Variants in WWP2 observed in about 807,000 individuals in gnomAD.
The protein encoded by WWP2 is WW domain containing E3 ubiquitin protein ligase 2.
A neutral mutation model predicts 121.0 loss-of-function variants in WWP2; 57 were observed. The ratio of observed to expected loss-of-function variants is 0.47; its 90% CI spans 0.38 to 0.59. WWP2 has a LOEUF of 0.59. Ranked by LOEUF, WWP2 falls within the 20% of genes least tolerant of loss-of-function variation. WWP2 has a pLI of 0.00. For missense variants in WWP2, 962 were observed against 1,158.9 expected, an observed-to-expected ratio of 0.83 and a Z score of 2.47; for synonymous variants, 449 against 441.3, an observed-to-expected ratio of 1.02 and a Z score of -0.22.
At chr16:69,825,617 G>GTT (rs1182979309) in intron 4 of WWP2, among the ~76,000 whole-genome samples, 7 of 137,616 alleles carry the variant, frequency 5.1e-5, no homozygotes, top group Admixed American at 1.5e-4. Flanking sequence ...GCAGAAGTGG[G>GTT]TTTTTTTTTT....
intron 17 of WWP2, among the ~76,000 whole-genome samples, chr16:69,934,873 G>A (rs2058771393): frequency 1.3e-5 from 2 of 152,190 alleles, no homozygotes; most frequent in Non-Finnish European, 2.9e-5. Flanking sequence ...AGCCCAGAGA[G>A]GGCGCGCCAG....
At chr16:69,795,092 C>G (rs2056000922) in intron 2 of WWP2, among the ~76,000 whole-genome samples, 1 of 152,090 alleles carries the variant, frequency 6.6e-6, no homozygotes, top group South Asian at 2.1e-4. Context: ...AAAAGTTAGC[C>G]AGGCGTGGTG....
In WWP2 at chr16:69,937,734, A is replaced by G; in HGVS notation, c.2343+82A>G. The G allele has an allele frequency of 1.5e-6, 2 of 1,367,152 alleles. No individual in the cohort carries two copies. Among genetic ancestry groups the G allele is most frequent in the Non-Finnish European group, 2.1e-6 (2 of 975,534 alleles). 84.7% of individuals were successfully genotyped at this position (1,367,152 alleles called of 1,614,324 possible). A position where few individuals can be genotyped will look rare whatever the true frequency, so the allele number is the denominator to read the frequency against. ...GGGTCCTGAGGAGGCCTCACGCGCA[A>G]GGACCTTCAGCTTTGGCCCTGTCCT... is the stretch of plus-strand genomic sequence containing the variant. On this transcript the variant is annotated intron_variant, in intron 21 of 23. Transcript: ENST00000359154. The surrounding 1 kb of genome is among the most constrained non-coding windows in gnomAD (Gnocchi z 6.6).
chr16:69,840,174 G>A lies in WWP2; in HGVS notation c.389G>A (p.Ser130Asn). The change falls in exon 5 of 24, where the codon AGC becomes AAC. Residue 130 changes from serine to asparagine, a missense_variant. By Grantham distance (46) the Ser-to-Asn change is conservative. Coordinates refer to ENST00000359154, the MANE Select transcript of WWP2 (RefSeq NM_001270454.2). ...AACCTGCAGACGGAGAACAAAGGCA[G>A]CGTTGTCTCAGGCGGAGAGCTGACA... is the stretch of plus-strand genomic sequence containing the variant. Reference protein sequence around the residue: ...TLNLQTENKGSVVSGGELTIF... With the variant: ...TLNLQTENKGNVVSGGELTIF... 6.2e-7 allele frequency: 1 copy of A among 1,614,274 alleles called. No homozygotes were observed. The highest frequency in any genetic ancestry group is 8.5e-7 in the Non-Finnish European group (1 of 1,180,048).
At chr16:69,863,909 A>G (rs1334200477) in intron 6 of WWP2, among the ~76,000 whole-genome samples, 1 of 152,224 alleles carries the variant, frequency 6.6e-6, no homozygotes, top group Non-Finnish European at 1.5e-5. Flanking sequence ...CCTTTTATGC[A>G]TTGAGTTTAT....
intron 19 of WWP2, chr16:69,936,678 A>G: frequency 3.3e-6 from 2 of 601,708 alleles, no homozygotes; most frequent in Non-Finnish European, 2.9e-6. Context: ...GCCATGTGGG[A>G]GACTTCAAGC....
At chr16:69,836,672 G>A (rs111437075) in intron 4 of WWP2, among the ~76,000 whole-genome samples, 22 of 152,182 alleles carry the variant, frequency 1.4e-4, no homozygotes, top group African/African-American at 2.6e-4. Flanking sequence ...GTGCAGTGGC[G>A]CAATCTTGGC....
chr16:69,851,824 C>CAA (rs58401894), intron 6 of WWP2, among the ~76,000 whole-genome samples: 5 of 150,952 alleles, frequency 3.3e-5, no homozygotes, highest in South Asian at 2.1e-4. Flanking sequence ...AGTAAAAATA[C>CAA]AAAAAAAAAT....
intron 1 of WWP2, among the ~76,000 whole-genome samples, chr16:69,781,286 A>G (rs2055658797): frequency 6.6e-6 from 1 of 151,822 alleles, no homozygotes; most frequent in African/African-American, 2.4e-5. Context: ...GGGTGTGGAA[A>G]TGGGGGAAGG....
chr16:69,865,186 A>C (rs1220158875), intron 6 of WWP2, among the ~76,000 whole-genome samples: 2 of 151,938 alleles, frequency 1.3e-5, no homozygotes. Flanking sequence ...AGTAGCTGGG[A>C]CTACAGGCGC....
chr16:69,872,357 C>T lies in WWP2; in HGVS notation c.703+426C>T, dbSNP rs538907640. Among the ~76,000 whole-genome samples the T allele has an allele frequency of 2.2e-3, 333 of 152,156 alleles. 2 individuals are homozygous for T. Among genetic ancestry groups the T allele is most frequent in the South Asian group, 5.6e-3 (27 of 4,808 alleles). ...TCAGCCTCCTGAGTAGCTGGGACTA[C>T]AGGCGCCCACTGCCACGCCCGGCTA... On this transcript the variant is annotated intron_variant, in intron 7 of 23. Coordinates refer to ENST00000359154, the MANE Select transcript of WWP2 (RefSeq NM_001270454.2).
chr16:69,773,047 T>C (rs1301929549), intron 1 of WWP2, among the ~76,000 whole-genome samples: 1 of 152,126 alleles, frequency 6.6e-6, no homozygotes, highest in East Asian at 1.9e-4. Flanking sequence ...CTGCTCTGTG[T>C]ATTGAGAGCT....
At chr16:69,878,300 C>G (rs1215803395) in intron 7 of WWP2, among the ~76,000 whole-genome samples, 1 of 152,074 alleles carries the variant, frequency 6.6e-6, no homozygotes, top group Non-Finnish European at 1.5e-5. Context: ...TGAGTTCATG[C>G]TGTTGGAAAA....
In WWP2 at chr16:69,836,204, G is replaced by A. The variant is rs1404076342; in HGVS notation, c.341-3922G>A. Among the ~76,000 whole-genome samples, 13 of 151,928 alleles carry A rather than the reference G, an allele frequency of 8.6e-5. No individual in the cohort carries two copies. In the South Asian group the frequency reaches 1.0e-3, roughly 12 times the overall value. ...GCAAATTTCTCCATTTATCCCAAGA[G>A]TATTTTTTTCAAACCAAGGTTTAGT... On this transcript the variant is annotated intron_variant, in intron 4 of 23. Coordinates refer to ENST00000359154, the MANE Select transcript of WWP2 (RefSeq NM_001270454.2).
chr16:69,862,708 C>CT (rs546868069), intron 6 of WWP2, among the ~76,000 whole-genome samples: 2,883 of 76,566 alleles, frequency 0.038, 211 homozygotes, highest in African/African-American at 0.08. Context: ...GCCATGAATT[C>CT]TTTTTTTTTT....
At chr16:69,856,889 C>T (rs963576756) in intron 6 of WWP2, among the ~76,000 whole-genome samples, 1 of 151,896 alleles carries the variant, frequency 6.6e-6, no homozygotes, top group Admixed American at 6.6e-5. Context: ...ATTTTTTTCC[C>T]TATTCATTTC....
At chr16:69,827,091 G>A (rs1250857524) in intron 4 of WWP2, among the ~76,000 whole-genome samples, 1 of 150,240 alleles carries the variant, frequency 6.7e-6, no homozygotes, top group African/African-American at 2.4e-5. Context: ...CTCATGCCTT[G>A]TGTCATTTCA....
chr16:69,883,619 T>TAA, intron 7 of WWP2, among the ~76,000 whole-genome samples: 1 of 152,312 alleles, frequency 6.6e-6, no homozygotes, highest in South Asian at 2.1e-4. Flanking sequence ...GCAGGTTTGT[T>TAA]ACATCGGTTA....
rs186988735 is a variant in WWP2 at position 69,903,690 on chromosome 16, C to T, written c.915-5071C>T. Among the ~76,000 whole-genome samples, 1,202 of 151,754 alleles carry T rather than the reference C, an allele frequency of 7.9e-3. 15 individuals are homozygous for T. Among genetic ancestry groups the T allele is most frequent in the African/African-American group, 0.026 (1,091 of 41,244 alleles). On this transcript the variant is annotated intron_variant, in intron 8 of 23. Transcript: ENST00000359154. ...GGCTGAGGCAGGGGAATCGGTTGAA[C>T]CCAGGAGGTGGAGGTTGCAGTGAGC...
Sources: allele counts gnomAD v4.1 joint callset (sites outside exome capture counted in the v4.1 genomes callset), GRCh38; gene constraint gnomAD v4.1.1; non-coding constraint Gnocchi (gnomAD v3.1); transcripts MANE v1.5; gene names NCBI Gene and HGNC (gene_info 2026-07-23, HGNC 2026-07-21).